Variants in CNTN6 observed in about 807,000 individuals in gnomAD.
CNTN6 encodes the protein contactin 6, also known as contactin-6.
A neutral mutation model predicts 122.8 loss-of-function variants in CNTN6; 137 were observed. That is an observed-to-expected ratio of 1.12 (90% CI 0.97 to 1.29). The LOEUF (loss-of-function observed/expected upper bound fraction) is 1.29. Ranked by LOEUF, CNTN6 falls within the 50% of genes most tolerant of loss-of-function variation. The pLI is 0.00. For missense variants in CNTN6, 1,634 were observed against 1,223.4 expected, an observed-to-expected ratio of 1.34 and a Z score of -5.01; for synonymous variants, 570 against 426.0, an observed-to-expected ratio of 1.34 and a Z score of -4.16.
chr3:1,258,768 G>A (rs2094799619), intron 4 of CNTN6, among the ~76,000 whole-genome samples: 1 of 152,024 alleles, frequency 6.6e-6, no homozygotes. Flanking sequence ...GCTCCATGGG[G>A]ACAGCTACCT....
intron 1 of CNTN6, among the ~76,000 whole-genome samples, chr3:1,120,858 A>G (rs928037546): frequency 6.6e-6 from 1 of 151,880 alleles, no homozygotes; most frequent in Non-Finnish European, 1.5e-5. Flanking sequence ...TGGAAAGATC[A>G]TATTCCTGGC....
intron 1 of CNTN6, among the ~76,000 whole-genome samples, chr3:1,130,396 C>T (rs2092306065): frequency 6.6e-6 from 1 of 152,054 alleles, no homozygotes; most frequent in Non-Finnish European, 1.5e-5. Context: ...AGCGTGCTTT[C>T]CTCCAAGCAA....
intron 1 of CNTN6, among the ~76,000 whole-genome samples, chr3:1,144,354 T>C (rs1025410475): frequency 6.6e-6 from 1 of 152,032 alleles, no homozygotes; most frequent in Admixed American, 6.6e-5. Context: ...GATGGACGGA[T>C]CACTGGACAT....
At chr3:1,301,023 A>ATTT (rs1697292843) in intron 7 of CNTN6, among the ~76,000 whole-genome samples, 1 of 116,440 alleles carries the variant, frequency 8.6e-6, no homozygotes, top group Non-Finnish European at 1.8e-5. Context: ...GAGTCCCTAA[A>ATTT]CTTTTTTTTT....
At chr3:1,292,834 C>A (rs1186502156) in intron 5 of CNTN6, among the ~76,000 whole-genome samples, 3 of 152,064 alleles carry the variant, frequency 2.0e-5, no homozygotes, top group African/African-American at 4.8e-5. Context: ...TATTTCCCTC[C>A]ACTCACTCTG....
At chr3:1,351,429 G>A (rs2036685) in intron 11 of CNTN6, among the ~76,000 whole-genome samples, 65,959 of 151,696 alleles carry the variant, frequency 0.43, 15,876 homozygotes, top group African/African-American at 0.63. Context: ...TAAAAGGTTG[G>A]TAACTACATT....
At chr3:1,134,396 AGTGTGCTCTGT>A (rs2092419387) in intron 1 of CNTN6, among the ~76,000 whole-genome samples, 2 of 152,084 alleles carry the variant, frequency 1.3e-5, no homozygotes, top group Non-Finnish European at 2.9e-5. Flanking sequence ...AGTCTCCTAC[AGTGTGCTCTGT>A]GGAACCTAAG....
chr3:1,119,323 G>GTGTGTGTGTGTGTGTA (rs1559347746), intron 1 of CNTN6, among the ~76,000 whole-genome samples: 4 of 4,094 alleles, frequency 9.8e-4, no homozygotes, highest in Non-Finnish European at 1.6e-3. Flanking sequence ...CAGAAAAATC[G>GTGTGTGTGTGTGTGTA]TGTGTGTGTG....
intron 1 of CNTN6, among the ~76,000 whole-genome samples, chr3:1,100,892 A>C (rs2090855020): frequency 6.6e-6 from 1 of 152,058 alleles, no homozygotes; most frequent in South Asian, 2.1e-4. Context: ...TTTTAGAGTC[A>C]AATTTCTTTA....
chr3:1,166,495 T>C (rs895618614), intron 2 of CNTN6, among the ~76,000 whole-genome samples: 4 of 152,190 alleles, frequency 2.6e-5, no homozygotes, highest in African/African-American at 9.7e-5. Flanking sequence ...AGATACAGAT[T>C]AAAATTTTTT....
intron 1 of CNTN6, among the ~76,000 whole-genome samples, chr3:1,109,997 A>C (rs1319299490): frequency 6.6e-6 from 1 of 152,070 alleles, no homozygotes; most frequent in Non-Finnish European, 1.5e-5. Flanking sequence ...TTATCTTAAA[A>C]TTGTTGTCTA....
intron 12 of CNTN6, among the ~76,000 whole-genome samples, chr3:1,369,904 G>A (rs1205259426): frequency 2.0e-5 from 3 of 149,332 alleles, no homozygotes; most frequent in Non-Finnish European, 4.4e-5. Flanking sequence ...AGTTTTTTAG[G>A]TCATACATTT....
chr3:1,207,484 T>C (rs1239547049), intron 2 of CNTN6, among the ~76,000 whole-genome samples: 6 of 152,128 alleles, frequency 3.9e-5, no homozygotes, highest in African/African-American at 1.4e-4. Flanking sequence ...GTGCATGTTT[T>C]ATTATCCACT....
At chr3:1,330,954 A>G (rs1702207822) in intron 11 of CNTN6, among the ~76,000 whole-genome samples, 1 of 151,916 alleles carries the variant, frequency 6.6e-6, no homozygotes, top group Admixed American at 6.6e-5. Flanking sequence ...AGAGAAAGCT[A>G]GAAGTCTGCA....
chr3:1,366,947 A>C (rs1708319703), intron 12 of CNTN6, among the ~76,000 whole-genome samples: 1 of 152,148 alleles, frequency 6.6e-6, no homozygotes, highest in South Asian at 2.1e-4. Flanking sequence ...ACTGCAGATA[A>C]TGGTATGTCA....
chr3:1,385,534 GTTGATAGTTGTTGGTAAAAAATGA>G (rs1338715145), intron 19 of CNTN6, 53 bp from the exon 20 acceptor site: 48 of 1,180,654 alleles, frequency 4.1e-5, no homozygotes, highest in Middle Eastern at 4.3e-4. Flanking sequence ...TGTGGTTGTG[GTTGATAGTTGTTGGTAAAAAATGA>G]TTGATAGTTA....
intron 4 of CNTN6, among the ~76,000 whole-genome samples, chr3:1,230,717 G>C (rs1297803140): frequency 6.6e-6 from 1 of 152,180 alleles, no homozygotes; most frequent in Non-Finnish European, 1.5e-5. Context: ...TGTTGTTAGA[G>C]AAAAGTTGGA....
At position 1,259,938 on chromosome 3, in the gene CNTN6, A is replaced by T. The variant is rs139937844; in HGVS notation, c.359-18475A>T. 8.6e-3 allele frequency among the ~76,000 whole-genome samples: 1,317 copies of T among 152,284 alleles called. 17 individuals carry two copies. The highest frequency in any genetic ancestry group is 0.032 in the South Asian group (155 of 4,826). On this transcript the variant is annotated intron_variant, in intron 4 of 22. Transcript: ENST00000446702. ...GAGGAATAAAGAAATTCTGTGTTTA[A>T]ATGATATGTTAAAACTGCTTTGAAT...
chr3:1,301,859 A>G (rs1488660913), intron 7 of CNTN6, among the ~76,000 whole-genome samples: 2 of 152,224 alleles, frequency 1.3e-5, no homozygotes, highest in Admixed American at 1.3e-4. Flanking sequence ...AAAACTTACA[A>G]ATGTGAGTTA....
Sources: allele counts gnomAD v4.1 joint callset (sites outside exome capture counted in the v4.1 genomes callset), GRCh38; gene constraint gnomAD v4.1.1; transcripts MANE v1.5; gene names NCBI Gene and HGNC (gene_info 2026-07-23, HGNC 2026-07-21).